The following MSI2 variants were observed in gnomAD, a reference collection of about 807,000 sequenced individuals.
MSI2 encodes the protein musashi RNA binding protein 2, also known as RNA-binding protein Musashi homolog 2.
In MSI2, 17 loss-of-function variants were observed where a neutral mutation model predicts 45.6. The observed-to-expected ratio is 0.37, with a 90% CI of 0.26 to 0.56. The LOEUF (loss-of-function observed/expected upper bound fraction) is 0.56, where lower values mean the gene tolerates loss of function less well. Ranked by LOEUF, MSI2 falls within the 20% of genes least tolerant of loss-of-function variation. The pLI, the probability that MSI2 is intolerant of heterozygous loss-of-function variation, is 0.77. For synonymous variants in MSI2, 156 were observed against 158.2 expected, an observed-to-expected ratio of 0.99 and a Z score of 0.11; for missense variants, 293 against 444.2, an observed-to-expected ratio of 0.66 and a Z score of 3.06.
chr17:57,477,982 T>G (rs2085573856), intron 6 of MSI2, among the ~76,000 whole-genome samples: 1 of 152,210 alleles, frequency 6.6e-6, no homozygotes, highest in African/African-American at 2.4e-5. Context: ...TTCTCCCCAC[T>G]GCTAGGATGC....
Position 57,682,563 on chromosome 17 carries a change from G to C in MSI2, c.*3046G>C, listed in dbSNP as rs1443254247. 9.5e-6 allele frequency: 2 copies of C among 210,800 alleles called. No individual in the cohort carries two copies. Among genetic ancestry groups the C allele is most frequent in the East Asian group, 1.4e-4 (2 of 13,846 alleles). 13.1% of individuals were successfully genotyped at this position (210,800 alleles called of 1,614,324 possible). A position where few individuals can be genotyped will look rare whatever the true frequency, so the allele number is the denominator to read the frequency against. ...AGTAGCCCATAGCACAAATCTTGTG[G>C]AAATCCGATATGTTTTAATGTGGCT... On this transcript the variant is annotated 3_prime_UTR_variant, in exon 14 of 14. Coordinates refer to ENST00000284073, the MANE Select transcript of MSI2 (RefSeq NM_138962.4).
intron 5 of MSI2, chr17:57,268,496 C>T (rs1228128738): frequency 6.6e-6 from 1 of 151,616 alleles, no homozygotes; most frequent in Non-Finnish European, 1.5e-5. Flanking sequence ...TAGGTTCATG[C>T]CTTATCTTCT....
Position 57,411,986 on chromosome 17 carries a change from G to A in MSI2, c.405+10515G>A, listed in dbSNP as rs138816745. 4.1e-3 allele frequency among the ~76,000 whole-genome samples: 627 copies of A among 152,020 alleles called. 6 individuals carry two copies. Among genetic ancestry groups the A allele is most frequent in the African/African-American group, 0.014 (584 of 41,496 alleles). On this transcript the variant is annotated intron_variant, in intron 6 of 13. Transcript: ENST00000284073. Reference sequence around the variant, plus strand: ...CACACCATTGCACTCCAGCCTGGGCGACAAACCAAGACTCCGTCTGGGGGC... The same window carrying A: ...CACACCATTGCACTCCAGCCTGGGCAACAAACCAAGACTCCGTCTGGGGGC...
chr17:57,321,883 GC>G (rs1468893558), intron 5 of MSI2, among the ~76,000 whole-genome samples: 1 of 151,868 alleles, frequency 6.6e-6, no homozygotes, highest in East Asian at 1.9e-4. Context: ...CGCAACCTCT[GC>G]CTCCCGGATT....
chr17:57,319,863 C>G (rs1298426902), intron 5 of MSI2, among the ~76,000 whole-genome samples: 1 of 152,158 alleles, frequency 6.6e-6, no homozygotes, highest in African/African-American at 2.4e-5. Flanking sequence ...ATCTGCCCAC[C>G]ACAGCCTCCC....
chr17:57,573,236 C>T (rs2087925141), intron 7 of MSI2, among the ~76,000 whole-genome samples: 1 of 152,110 alleles, frequency 6.6e-6, no homozygotes. Flanking sequence ...CCTATAATGA[C>T]CTTGAAAAGC....
chr17:57,510,497 G>A (rs143724291), intron 6 of MSI2, among the ~76,000 whole-genome samples: 2,179 of 151,784 alleles, frequency 0.014, 67 homozygotes, highest in Admixed American at 0.047. Flanking sequence ...GCACGATCTC[G>A]GCTCACTGCA....
At chr17:57,462,933 C>T (rs1228749034) in intron 6 of MSI2, among the ~76,000 whole-genome samples, 1 of 152,212 alleles carries the variant, frequency 6.6e-6, no homozygotes, top group African/African-American at 2.4e-5. Context: ...CCTTGGGCAC[C>T]TGTGTCCATA....
intron 6 of MSI2, among the ~76,000 whole-genome samples, chr17:57,516,521 T>C (rs1035431000): frequency 7.9e-5 from 12 of 152,246 alleles, no homozygotes; most frequent in Non-Finnish European, 1.2e-4. Flanking sequence ...TCATCCGTAC[T>C]GATTTCACAA....
intron 11 of MSI2, chr17:57,671,433 C>T (rs1197985971): frequency 6.6e-6 from 1 of 152,252 alleles, no homozygotes; most frequent in Non-Finnish European, 1.5e-5. Context: ...ATGTCCCATC[C>T]TCTCTTCCCA....
intron 5 of MSI2, among the ~76,000 whole-genome samples, chr17:57,375,056 G>A (rs1840116914): frequency 2.0e-5 from 3 of 152,126 alleles, no homozygotes; most frequent in Admixed American, 1.3e-4. Context: ...CTGAGTGCTT[G>A]GTGTTCACAC....
intron 6 of MSI2, among the ~76,000 whole-genome samples, chr17:57,424,068 G>T (rs1245285756): frequency 6.6e-6 from 1 of 152,216 alleles, no homozygotes; most frequent in Non-Finnish European, 1.5e-5. Flanking sequence ...GTTCCAGCTG[G>T]TTGTGTGGAG....
intron 6 of MSI2, among the ~76,000 whole-genome samples, 165 bp downstream of exon 6, chr17:57,401,636 A>C (rs1186912396): frequency 3.9e-5 from 6 of 152,236 alleles, no homozygotes; most frequent in Admixed American, 2.0e-4. Flanking sequence ...CTGAGATGGA[A>C]GAGTCTGGCT....
chr17:57,539,144 C>T (rs79700718), intron 7 of MSI2, among the ~76,000 whole-genome samples: 11,823 of 151,050 alleles, frequency 0.078, 833 homozygotes, highest in African/African-American at 0.19. Context: ...GATACAGAGA[C>T]GGAGGGAATC....
chr17:57,644,344 G>GT (rs1216892663), intron 10 of MSI2, among the ~76,000 whole-genome samples: 1 of 151,030 alleles, frequency 6.6e-6, no homozygotes, highest in Non-Finnish European at 1.5e-5. Context: ...TCTGATGTGA[G>GT]TCCCTTGGTC....
chr17:57,273,405 C>T (rs561617378), intron 5 of MSI2, among the ~76,000 whole-genome samples: 1 of 151,802 alleles, frequency 6.6e-6, no homozygotes, highest in Non-Finnish European at 1.5e-5. Context: ...TTGTTTTTCC[C>T]TGCAGTACAC....
At chr17:57,543,275 G>GA in intron 7 of MSI2, among the ~76,000 whole-genome samples, 1 of 152,330 alleles carries the variant, frequency 6.6e-6, no homozygotes, top group South Asian at 2.1e-4. Flanking sequence ...GCTGGCTTAA[G>GA]AGGGGGGGAA....
chr17:57,616,465 T>A (rs1178350695), intron 9 of MSI2: 1 of 157,972 alleles, frequency 6.3e-6, no homozygotes, highest in Non-Finnish European at 1.4e-5. Flanking sequence ...CCTGGCTGAC[T>A]TGACTTGTGT....
chr17:57,696,666 T>C, the MSI2 span, among the ~76,000 whole-genome samples: 1 of 152,136 alleles, frequency 6.6e-6, no homozygotes, highest in African/African-American at 2.4e-5. Context: ...GCCCAGGAGT[T>C]CAAGGCTGCA....
Sources: allele counts gnomAD v4.1 joint callset (sites outside exome capture counted in the v4.1 genomes callset), GRCh38; gene constraint gnomAD v4.1.1; transcripts MANE v1.5; gene names NCBI Gene and HGNC (gene_info 2026-07-23, HGNC 2026-07-21).